The following FAF1 variants were observed in gnomAD, a reference collection of about 807,000 sequenced individuals.
FAF1 encodes the protein FAS-associated factor 1.
A neutral mutation model predicts 92.5 loss-of-function variants in FAF1; 25 were observed. The ratio of observed to expected loss-of-function variants is 0.27; its 90% CI spans 0.20 to 0.38. The LOEUF (loss-of-function observed/expected upper bound fraction) is 0.38, where lower values mean the gene tolerates loss of function less well. FAF1 is among the 10% of genes least tolerant of loss of function. The probability of loss-of-function intolerance (pLI) is 1.00; values close to 1 mark genes in which losing one functional copy is unlikely to be tolerated. For missense variants in FAF1, 636 were observed against 793.3 expected, an observed-to-expected ratio of 0.80 and a Z score of 2.38; for synonymous variants, 234 against 273.2, an observed-to-expected ratio of 0.86 and a Z score of 1.42.
At chr1:50,542,816 G>T (rs927683604) in intron 13 of FAF1, among the ~76,000 whole-genome samples, 2 of 152,068 alleles carry the variant, frequency 1.3e-5, no homozygotes, top group African/African-American at 4.8e-5. Flanking sequence ...TCAACCCAAG[G>T]CCAAATGCTA....
At chr1:50,566,965 G>A (rs1005493674) in intron 13 of FAF1, 112 bp downstream of exon 13, 30 of 724,104 alleles carry the variant, frequency 4.1e-5, no homozygotes, top group Non-Finnish European at 5.6e-5. Flanking sequence ...CTAATGAAAT[G>A]CAATGGTAGA....
At chr1:50,927,517 G>A (rs925698451) in intron 1 of FAF1, among the ~76,000 whole-genome samples, 12 of 152,162 alleles carry the variant, frequency 7.9e-5, no homozygotes, top group Non-Finnish European at 4.4e-5. Flanking sequence ...ACTCTGCCTG[G>A]GCGGCAGAGT....
chr1:50,539,155 C>G (rs979020974), intron 14 of FAF1, among the ~76,000 whole-genome samples: 1 of 152,152 alleles, frequency 6.6e-6, no homozygotes, highest in African/African-American at 2.4e-5. Context: ...TGGAATCATA[C>G]AAATAAGAAG....
chr1:50,956,620 A>T (rs1283918147), intron 1 of FAF1, among the ~76,000 whole-genome samples: 4 of 152,246 alleles, frequency 2.6e-5, no homozygotes, highest in Non-Finnish European at 5.9e-5. Flanking sequence ...TCATCCAAGT[A>T]TCCGTATGCC....
intron 4 of FAF1, among the ~76,000 whole-genome samples, chr1:50,770,216 C>T (rs1660728114): frequency 6.6e-6 from 1 of 152,168 alleles, no homozygotes; most frequent in Non-Finnish European, 1.5e-5. Context: ...CCTCTCTCAC[C>T]ACTCTATTCA....
chr1:50,693,189 T>C (rs1657015293), intron 7 of FAF1, among the ~76,000 whole-genome samples: 1 of 152,210 alleles, frequency 6.6e-6, no homozygotes, highest in South Asian at 2.1e-4. Context: ...GGTTTATAGT[T>C]TTAAGTCTTA....
chr1:50,709,898 T>C (rs1172065590), intron 6 of FAF1, among the ~76,000 whole-genome samples: 1 of 151,996 alleles, frequency 6.6e-6, no homozygotes, highest in Non-Finnish European at 1.5e-5. Flanking sequence ...TGAAGAAAAA[T>C]GGACAATAAT....
intron 8 of FAF1, among the ~76,000 whole-genome samples, chr1:50,648,555 T>C (rs918328098): frequency 1.3e-5 from 2 of 152,170 alleles, no homozygotes; most frequent in African/African-American, 4.8e-5. Context: ...AATGCCAGCA[T>C]AAAAATCTGT....
chr1:50,761,570 A>G (rs1040541285), intron 4 of FAF1, among the ~76,000 whole-genome samples: 5 of 152,236 alleles, frequency 3.3e-5, no homozygotes, highest in Non-Finnish European at 7.3e-5. Flanking sequence ...GCATATAAAC[A>G]GAACCAAAGA....
intron 15 of FAF1, among the ~76,000 whole-genome samples, chr1:50,523,540 C>T (rs1364828811): frequency 6.6e-6 from 1 of 152,152 alleles, no homozygotes; most frequent in Admixed American, 6.5e-5. Context: ...TTTCCATGAG[C>T]TTGTTGGTCA....
chr1:50,804,308 G>A (rs1662110571), intron 2 of FAF1, among the ~76,000 whole-genome samples: 1 of 152,120 alleles, frequency 6.6e-6, no homozygotes, highest in South Asian at 2.1e-4. Flanking sequence ...TCTGCTTAAA[G>A]GCAAATAAAC....
intron 3 of FAF1, among the ~76,000 whole-genome samples, chr1:50,792,344 T>C (rs1661593572): frequency 6.6e-6 from 1 of 152,224 alleles, no homozygotes; most frequent in South Asian, 2.1e-4. Context: ...ATGGTGAAAG[T>C]TGAATAAACA....
At chr1:50,771,093 A>G (rs1660759449) in intron 4 of FAF1, among the ~76,000 whole-genome samples, 1 of 152,212 alleles carries the variant, frequency 6.6e-6, no homozygotes, top group Non-Finnish European at 1.5e-5. Flanking sequence ...GCATATACAA[A>G]AATCAACTTA....
intron 1 of FAF1, among the ~76,000 whole-genome samples, chr1:50,921,677 A>C (rs1342460342): frequency 1.3e-5 from 2 of 152,032 alleles, no homozygotes; most frequent in African/African-American, 2.4e-5. Flanking sequence ...GCTACTAGGG[A>C]GGCTGACGTG....
At chr1:50,655,402 G>C in intron 8 of FAF1, 40 bp downstream of exon 8, 1 of 1,292,410 alleles carries the variant, frequency 7.7e-7, no homozygotes. Flanking sequence ...TGGCAAAAGA[G>C]AAAGGAGGAT....
intron 1 of FAF1, among the ~76,000 whole-genome samples, chr1:50,883,441 C>T (rs995667920): frequency 2.0e-5 from 3 of 152,246 alleles, no homozygotes; most frequent in African/African-American, 4.8e-5. Flanking sequence ...TTCTGGTATA[C>T]GATATAAAGT....
At chr1:50,633,431 A>G (rs1028398584) in intron 8 of FAF1, among the ~76,000 whole-genome samples, 3 of 152,238 alleles carry the variant, frequency 2.0e-5, no homozygotes, top group African/African-American at 7.2e-5. Context: ...GAAGTGGCAC[A>G]GCAAAACAAA....
At chr1:50,875,256 GTTTTA>G (rs978270456) in intron 1 of FAF1, among the ~76,000 whole-genome samples, 1 of 151,554 alleles carries the variant, frequency 6.6e-6, no homozygotes, top group African/African-American at 2.4e-5. Flanking sequence ...GGGGTTTGTT[GTTTTA>G]TTTATATATT....
intron 4 of FAF1, among the ~76,000 whole-genome samples, chr1:50,773,594 A>C (rs1286896265): frequency 1.3e-5 from 2 of 152,212 alleles, no homozygotes; most frequent in South Asian, 2.1e-4. Flanking sequence ...AATATCACAC[A>C]CATGCTCTCA....
Sources: gnomAD v4.1 joint callset for allele counts (sites outside exome capture counted in the v4.1 genomes callset) on GRCh38, gnomAD v4.1.1 for gene constraint, MANE v1.5 for transcripts, NCBI Gene and HGNC (gene_info 2026-07-23, HGNC 2026-07-21) for gene names.